NR2F1-AS1: variants seen among roughly 807,000 people sequenced by gnomAD.
The protein encoded by NR2F1-AS1 is NR2F1 regulatory antisense RNA 1, also known as NR2F1 antisense RNA 1.
chr5:93,458,176 G>A (rs755576831), intron 4 of NR2F1-AS1, among the ~76,000 whole-genome samples: 19 of 152,090 alleles, frequency 1.2e-4, no homozygotes, highest in Admixed American at 5.9e-4. Flanking sequence ...CCAGGGGACC[G>A]GCGCTCAGCA....
intron 4 of NR2F1-AS1, among the ~76,000 whole-genome samples, chr5:93,484,075 C>A (rs1750662700): frequency 6.6e-6 from 1 of 152,164 alleles, no homozygotes; most frequent in Non-Finnish European, 1.5e-5. Flanking sequence ...GACAGGCCAA[C>A]ATTCAAATTC....
intron 4 of NR2F1-AS1, among the ~76,000 whole-genome samples, chr5:93,516,716 G>A (rs1464979468): frequency 6.6e-6 from 1 of 151,836 alleles, no homozygotes; most frequent in Non-Finnish European, 1.5e-5. Flanking sequence ...TCTTTTCATT[G>A]TACCACAAAC....
At chr5:93,452,861 C>G (rs778060500) in intron 4 of NR2F1-AS1, among the ~76,000 whole-genome samples, 3 of 151,996 alleles carry the variant, frequency 2.0e-5, no homozygotes, top group Non-Finnish European at 2.9e-5. Flanking sequence ...CAAAAAAAGT[C>G]CCACACACCT....
At chr5:93,433,074 G>A (rs1321458672) in intron 4 of NR2F1-AS1, among the ~76,000 whole-genome samples, 1 of 152,106 alleles carries the variant, frequency 6.6e-6, no homozygotes, top group Admixed American at 6.6e-5. Context: ...CCTATGCCAT[G>A]ACCACCCCTT....
rs145157541 is a variant in NR2F1-AS1, at chr5:93,497,896, T to C, written n.638+55865A>G. 1.1e-4 allele frequency among the ~76,000 whole-genome samples: 17 copies of C among 152,350 alleles called. No individual in the cohort carries two copies. In the South Asian group the frequency reaches 2.5e-3, roughly 22 times the overall value. On this transcript the variant is annotated intron_variant and non_coding_transcript_variant, in intron 4 of 5. Coordinates refer to ENST00000660523, the Ensembl canonical transcript of NR2F1-AS1. ...CATCATCGGAATCAAGGGTCAATTATAAAACATCTCATTTTCAAGTTTGCC... is the reference window on the plus strand; with the variant it reads ...CATCATCGGAATCAAGGGTCAATTACAAAACATCTCATTTTCAAGTTTGCC...
At chr5:93,433,872 C>T (rs1466591314) in intron 4 of NR2F1-AS1, among the ~76,000 whole-genome samples, 1 of 152,084 alleles carries the variant, frequency 6.6e-6, no homozygotes, top group Admixed American at 6.6e-5. Flanking sequence ...TTCAGTTGCA[C>T]GTATTTACTT....
At chr5:93,443,817 A>G (rs1197434439) in intron 4 of NR2F1-AS1, among the ~76,000 whole-genome samples, 1 of 152,260 alleles carries the variant, frequency 6.6e-6, no homozygotes, top group African/African-American at 2.4e-5. Flanking sequence ...TGGGTTACCC[A>G]CAAAGGCAAG....
chr5:93,555,064 A>C (rs1752322490), intron 2 of NR2F1-AS1: 1 of 152,208 alleles, frequency 6.6e-6, no homozygotes, highest in Non-Finnish European at 1.5e-5. Context: ...TTCTGTTTTA[A>C]TGGGTCATGC....
chr5:93,571,448 C>T (rs1346117553), intron 1 of NR2F1-AS1: 2 of 148,358 alleles, frequency 1.3e-5, no homozygotes, highest in Non-Finnish European at 3.0e-5. Context: ...AGAAGAACGA[C>T]ACTAGATGAG....
At chr5:93,462,988 G>A (rs748659747) in intron 4 of NR2F1-AS1, among the ~76,000 whole-genome samples, 6 of 152,194 alleles carry the variant, frequency 3.9e-5, no homozygotes, top group Non-Finnish European at 8.8e-5. Flanking sequence ...ATTTTCTGAG[G>A]AGAAATTCAA....
intron 4 of NR2F1-AS1, among the ~76,000 whole-genome samples, chr5:93,489,153 G>T (rs1017521360): frequency 6.6e-6 from 1 of 151,890 alleles, no homozygotes. Flanking sequence ...TGTAGATGAC[G>T]GGTTAAAGGG....
chr5:93,537,412 T>C (rs1447685054), intron 4 of NR2F1-AS1, among the ~76,000 whole-genome samples: 5 of 152,066 alleles, frequency 3.3e-5, no homozygotes, highest in Admixed American at 1.3e-4. Flanking sequence ...TATTTGCATA[T>C]TGTACCTCTG....
intron 4 of NR2F1-AS1, among the ~76,000 whole-genome samples, chr5:93,443,793 C>T (rs2149853443): frequency 6.6e-6 from 1 of 152,246 alleles, no homozygotes; most frequent in Admixed American, 6.5e-5. Context: ...TTAAGGGCAA[C>T]CAGAAAGAAA....
chr5:93,578,639 G>T (rs1752950995), intron 1 of NR2F1-AS1, among the ~76,000 whole-genome samples: 1 of 152,180 alleles, frequency 6.6e-6, no homozygotes, highest in African/African-American at 2.4e-5. Flanking sequence ...ACCACGTCCA[G>T]ACTCAGCTTA....
intron 4 of NR2F1-AS1, among the ~76,000 whole-genome samples, chr5:93,484,972 T>C (rs1047926292): frequency 2.0e-5 from 3 of 152,102 alleles, no homozygotes; most frequent in Non-Finnish European, 2.9e-5. Flanking sequence ...AGCAAGTTCT[T>C]AGATACCTAC....
chr5:93,498,498 T>C (rs1367246205), intron 4 of NR2F1-AS1, among the ~76,000 whole-genome samples: 2 of 152,156 alleles, frequency 1.3e-5, no homozygotes, highest in African/African-American at 4.8e-5. Flanking sequence ...AGAATTTTTC[T>C]GAAAGCTAAA....
chr5:93,505,393 C>T (rs983997232), intron 4 of NR2F1-AS1, among the ~76,000 whole-genome samples: 2 of 152,146 alleles, frequency 1.3e-5, no homozygotes, highest in Admixed American at 6.5e-5. Flanking sequence ...GAAGACGGTG[C>T]CCCTCTTCTC....
At chr5:93,518,078 T>A (rs1047938887) in intron 4 of NR2F1-AS1, among the ~76,000 whole-genome samples, 3 of 152,130 alleles carry the variant, frequency 2.0e-5, no homozygotes, top group Admixed American at 6.6e-5. Flanking sequence ...TAGAGGCATG[T>A]GCCACTGTGC....
chr5:93,413,220 A>ATG (rs1554060818), intron 4 of NR2F1-AS1, among the ~76,000 whole-genome samples: 26 of 146,622 alleles, frequency 1.8e-4, no homozygotes, highest in African/African-American at 6.0e-4. Context: ...ATATATATAT[A>ATG]TGTGTGTGTA....
Sources: allele counts gnomAD v4.1 joint callset (sites outside exome capture counted in the v4.1 genomes callset), GRCh38; gene constraint gnomAD v4.1.1; transcripts MANE v1.5; gene names NCBI Gene and HGNC (gene_info 2026-07-23, HGNC 2026-07-21).